Variants in REEP3 observed in about 807,000 individuals in gnomAD.
REEP3 encodes the protein receptor expression-enhancing protein 3.
REEP3 carries 20 observed loss-of-function variants against 41.3 expected under a neutral mutation model. The ratio of observed to expected loss-of-function variants is 0.48; its 90% CI spans 0.34 to 0.70. The LOEUF (loss-of-function observed/expected upper bound fraction) is 0.70, where lower values mean the gene tolerates loss of function less well. Ranked by LOEUF, REEP3 falls within the 30% of genes least tolerant of loss-of-function variation. The pLI is 0.01. For synonymous variants in REEP3, 104 were observed against 101.8 expected (o/e 1.02, Z -0.13); for missense variants, 271 against 308.8 (o/e 0.88, Z 0.92).
intron 1 of REEP3, among the ~76,000 whole-genome samples, chr10:63,528,314 C>T (rs1172693138): frequency 2.0e-5 from 3 of 152,194 alleles, no homozygotes; most frequent in Non-Finnish European, 4.4e-5. Flanking sequence ...GCTCCACCTA[C>T]TAGCAGCTCA....
At chr10:63,553,659 G>T (rs1187169439) in intron 1 of REEP3, among the ~76,000 whole-genome samples, 1 of 152,100 alleles carries the variant, frequency 6.6e-6, no homozygotes, top group African/African-American at 2.4e-5. Flanking sequence ...TGAATGAATT[G>T]CACAGAATAG....
At chr10:63,597,526 A>G (rs946183091) in intron 3 of REEP3, among the ~76,000 whole-genome samples, 1 of 152,330 alleles carries the variant, frequency 6.6e-6, no homozygotes, top group Middle Eastern at 3.4e-3. Flanking sequence ...TGAGGGGGGA[A>G]TCTCTCAGGT....
chr10:63,609,994 A>G (rs1274858055), intron 5 of REEP3, among the ~76,000 whole-genome samples, 193 bp from the exon 6 acceptor site: 1 of 152,220 alleles, frequency 6.6e-6, no homozygotes, highest in Non-Finnish European at 1.5e-5. Context: ...GCATGAAAAA[A>G]TAAAATGAAT....
At position 63,521,515 on chromosome 10, in the gene REEP3, C is replaced by T. The variant is rs774165038; in HGVS notation, c.-31C>T. 26 of 1,405,548 alleles carry T rather than the reference C, an allele frequency of 1.8e-5. No homozygotes were observed. Among genetic ancestry groups the T allele is most frequent in the Non-Finnish European group, 2.4e-5 (26 of 1,067,418 alleles). The allele number at this position is 1,405,548 out of a possible 1,614,324, so 87.1% of individuals were successfully genotyped here. Reference sequence around the variant, plus strand: ...GTCCGCAGCGCCCTGCGCCCACCCGCCCCGGACGTGGGGCCCAAGCCCCCG... The same window carrying T: ...GTCCGCAGCGCCCTGCGCCCACCCGTCCCGGACGTGGGGCCCAAGCCCCCG... On this transcript the variant is annotated 5_prime_UTR_variant, in exon 1 of 8. Coordinates refer to ENST00000373758, the MANE Select transcript of REEP3 (RefSeq NM_001001330.3).
intron 7 of REEP3, 127 bp downstream of exon 7, chr10:63,619,927 T>C: frequency 1.1e-6 from 1 of 906,236 alleles, no homozygotes; most frequent in Non-Finnish European, 1.6e-6. Flanking sequence ...GATTTTTTTT[T>C]TTTTTTTTTT....
chr10:63,523,591 G>A (rs1049769254), intron 1 of REEP3, among the ~76,000 whole-genome samples: 2 of 152,078 alleles, frequency 1.3e-5, no homozygotes, highest in Non-Finnish European at 2.9e-5. Flanking sequence ...AGCCGTGATC[G>A]TGCCACTGCA....
intron 5 of REEP3, among the ~76,000 whole-genome samples, chr10:63,600,533 G>A (rs543017951): frequency 2.0e-5 from 3 of 152,264 alleles, no homozygotes; most frequent in African/African-American, 7.2e-5. Context: ...TCAGCTTAAA[G>A]GACTATGTTT....
chr10:63,557,461 GA>G (rs1220131368), intron 1 of REEP3, among the ~76,000 whole-genome samples: 1 of 152,216 alleles, frequency 6.6e-6, no homozygotes, highest in Middle Eastern at 3.4e-3. Context: ...TTATCTTTGG[GA>G]AATGCCACTG....
chr10:63,566,876 T>G (rs550418401), intron 2 of REEP3, among the ~76,000 whole-genome samples: 1 of 152,304 alleles, frequency 6.6e-6, no homozygotes, highest in East Asian at 1.9e-4. Context: ...TGAATCAGAC[T>G]CCATTTGTAA....
At chr10:63,601,014 G>A (rs1956167211) in intron 5 of REEP3, among the ~76,000 whole-genome samples, 1 of 151,954 alleles carries the variant, frequency 6.6e-6, no homozygotes, top group Admixed American at 6.6e-5. Flanking sequence ...TTAGCTGGGC[G>A]TGGTGGGGGG....
intron 1 of REEP3, among the ~76,000 whole-genome samples, chr10:63,560,002 A>G (rs1955725671): frequency 6.6e-6 from 1 of 152,140 alleles, no homozygotes; most frequent in Non-Finnish European, 1.5e-5. Flanking sequence ...TATATGCTCT[A>G]AGGTGTTAAT....
At chr10:63,570,362 AGTT>A (rs1177605762) in intron 2 of REEP3, among the ~76,000 whole-genome samples, 4 of 152,270 alleles carry the variant, frequency 2.6e-5, no homozygotes, top group Non-Finnish European at 1.5e-5. Flanking sequence ...AGCTTTGCAC[AGTT>A]GTTTTCAGAG....
chr10:63,548,957 T>G (rs1000824114), intron 1 of REEP3, among the ~76,000 whole-genome samples: 1 of 151,570 alleles, frequency 6.6e-6, no homozygotes, highest in Non-Finnish European at 1.5e-5. Flanking sequence ...CTTGTAAGAG[T>G]CAAAATAAGT....
At chr10:63,588,200 G>A (rs926190605) in intron 2 of REEP3, among the ~76,000 whole-genome samples, 15 of 152,156 alleles carry the variant, frequency 9.9e-5, no homozygotes, top group African/African-American at 3.6e-4. Flanking sequence ...TCTGGACACA[G>A]CCACTCTTTT....
chr10:63,571,921 A>G (rs1274021695), intron 2 of REEP3, among the ~76,000 whole-genome samples: 1 of 152,208 alleles, frequency 6.6e-6, no homozygotes, highest in East Asian at 1.9e-4. Flanking sequence ...TGCTACCTTT[A>G]GAAACACAGG....
rs909041162 is a variant in REEP3, at chr10:63,623,870, ATGAT to A, written c.*3003_*3006del. The A allele has an allele frequency of 3.9e-5, 6 of 154,050 alleles. No individual in the cohort carries two copies. Among genetic ancestry groups the A allele is most frequent in the Admixed American group, 2.0e-4 (3 of 15,226 alleles). 9.5% of individuals were successfully genotyped at this position (154,050 alleles called of 1,614,324 possible). A position where few individuals can be genotyped will look rare whatever the true frequency, so the allele number is the denominator to read the frequency against. Reference sequence around the variant, plus strand: ...TGACTACACTGATTGATGGGACAAAATGATTAAAGTATTTTCAGGGATCTTATTC... The same window carrying A: ...TGACTACACTGATTGATGGGACAAAATAAAGTATTTTCAGGGATCTTATTC... On this transcript the variant is annotated 3_prime_UTR_variant, in exon 8 of 8. Coordinates refer to ENST00000373758, the MANE Select transcript of REEP3 (RefSeq NM_001001330.3).
intron 1 of REEP3, among the ~76,000 whole-genome samples, chr10:63,549,037 G>A (rs774084400): frequency 5.9e-5 from 9 of 151,672 alleles, no homozygotes; most frequent in African/African-American, 9.7e-5. Context: ...TCAGAGGCCA[G>A]AGGCCAAGAA....
intron 1 of REEP3, chr10:63,521,810 G>T: frequency 3.7e-6 from 1 of 272,252 alleles, no homozygotes; most frequent in Non-Finnish European, 6.8e-6. Flanking sequence ...CTGCGACGGC[G>T]GCGGCGGCTG....
At chr10:63,554,811 T>A (rs921334288) in intron 1 of REEP3, among the ~76,000 whole-genome samples, 1 of 152,170 alleles carries the variant, frequency 6.6e-6, no homozygotes, top group Non-Finnish European at 1.5e-5. Flanking sequence ...GGATGCTGAG[T>A]TACTGGAGTG....
Sources: gnomAD v4.1 joint callset for allele counts (sites outside exome capture counted in the v4.1 genomes callset) on GRCh38, gnomAD v4.1.1 for gene constraint, MANE v1.5 for transcripts, NCBI Gene and HGNC (gene_info 2026-07-23, HGNC 2026-07-21) for gene names.